The following TAB2 variants were observed in gnomAD, a reference collection of about 807,000 sequenced individuals.
TAB2 encodes TGF-beta activated kinase 1 (MAP3K7) binding protein 2, also known as TGF-beta-activated kinase 1 and MAP3K7-binding protein 2.
TAB2 carries 3 observed loss-of-function variants against 65.0 expected under a neutral mutation model. The ratio of observed to expected loss-of-function variants is 0.05; its 90% confidence interval spans 0.02 to 0.12. The LOEUF (loss-of-function observed/expected upper bound fraction) is 0.12, where lower values mean the gene tolerates loss of function less well. Among genes scored for constraint, TAB2 ranks in the 10% least tolerant of loss-of-function variants. The pLI, the probability that TAB2 is intolerant of heterozygous loss-of-function variation, is 1.00. For missense variants in TAB2, 623 were observed against 840.3 expected (o/e 0.74, Z 3.20); for synonymous variants, 298 against 285.1 (o/e 1.05, Z -0.46).
intron 1 of TAB2, among the ~76,000 whole-genome samples, chr6:149,254,599 T>A (rs1777967370): frequency 6.6e-6 from 1 of 152,208 alleles, no homozygotes; most frequent in Non-Finnish European, 1.5e-5. Context: ...TTCACATGGC[T>A]TTCTGCCTGC....
intron 1 of TAB2, among the ~76,000 whole-genome samples, chr6:149,249,135 TACACACACACACACACATAC>T (rs1562387420): frequency 1.1e-4 from 15 of 135,786 alleles, no homozygotes; most frequent in African/African-American, 4.2e-4. Context: ...CACACACACA[TACACACACACACACACATAC>T]ACACACACAC....
At chr6:149,252,763 A>G (rs548014243) in intron 1 of TAB2, among the ~76,000 whole-genome samples, 2 of 152,340 alleles carry the variant, frequency 1.3e-5, no homozygotes, top group South Asian at 2.1e-4. Flanking sequence ...CTCACCAGAC[A>G]GAATATATTT....
intron 1 of TAB2, among the ~76,000 whole-genome samples, chr6:149,325,963 A>G (rs1779604298): frequency 6.6e-6 from 1 of 152,112 alleles, no homozygotes; most frequent in African/African-American, 2.4e-5. Flanking sequence ...GGTCTTGAGC[A>G]GCTAGGTTCA....
upstream of TAB2, among the ~76,000 whole-genome samples, chr6:149,313,618 C>A (rs1158788662): frequency 6.6e-6 from 1 of 152,248 alleles, no homozygotes; most frequent in Non-Finnish European, 1.5e-5. Flanking sequence ...TTTAGCATCT[C>A]AAACTGAGGA....
intron 2 of TAB2, among the ~76,000 whole-genome samples, chr6:149,377,087 T>G (rs1446092902): frequency 2.0e-4 from 29 of 144,536 alleles, no homozygotes; most frequent in African/African-American, 7.0e-4. Context: ...TTTTTTTTTT[T>G]GAGACAGAGT....
intron 1 of TAB2, among the ~76,000 whole-genome samples, chr6:149,270,705 A>G (rs1227078145): frequency 1.3e-5 from 2 of 152,202 alleles, no homozygotes; most frequent in East Asian, 3.8e-4. Flanking sequence ...GACCTTGCAC[A>G]TTTTCATCAC....
intron 2 of TAB2, among the ~76,000 whole-genome samples, chr6:149,371,130 A>G (rs1457396164): frequency 6.7e-6 from 1 of 149,858 alleles, no homozygotes; most frequent in Non-Finnish European, 1.5e-5. Context: ...TCTTGAAGTG[A>G]TTTTTAAAGT....
chr6:149,345,367 C>T (rs920129143), intron 1 of TAB2, among the ~76,000 whole-genome samples: 5 of 152,134 alleles, frequency 3.3e-5, no homozygotes, highest in Admixed American at 3.3e-4. Flanking sequence ...CAGCTGTAAA[C>T]TGCACATCCA....
chr6:149,372,893 G>T (rs1282453032), intron 2 of TAB2, among the ~76,000 whole-genome samples: 2 of 152,152 alleles, frequency 1.3e-5, no homozygotes, highest in Admixed American at 6.5e-5. Context: ...TCCTTTCTCA[G>T]TTGGGTGGGT....
chr6:149,241,220 A>C (rs1305797153), intron 1 of TAB2, among the ~76,000 whole-genome samples: 2 of 152,178 alleles, frequency 1.3e-5, no homozygotes, highest in Non-Finnish European at 2.9e-5. Context: ...TAAGACACCC[A>C]GTCTATGGTA....
At chr6:149,407,508 A>C (rs546702196) in intron 6 of TAB2, among the ~76,000 whole-genome samples, 5 of 152,324 alleles carry the variant, frequency 3.3e-5, no homozygotes, top group African/African-American at 1.2e-4. Context: ...AGGTCCAATA[A>C]AAACATCCAT....
chr6:149,249,298 A>G (rs1482364692), intron 1 of TAB2, among the ~76,000 whole-genome samples: 6 of 152,122 alleles, frequency 3.9e-5, no homozygotes, highest in African/African-American at 1.4e-4. Flanking sequence ...CAACAGTTCA[A>G]CTTCACCTCC....
chr6:149,373,128 G>A (rs1011705418), intron 2 of TAB2, among the ~76,000 whole-genome samples: 2 of 152,104 alleles, frequency 1.3e-5, no homozygotes, highest in African/African-American at 4.8e-5. Flanking sequence ...TGTGAATTCT[G>A]TAAGATAACT....
At chr6:149,233,561 A>C (rs1777444286) in intron 1 of TAB2, among the ~76,000 whole-genome samples, 1 of 152,188 alleles carries the variant, frequency 6.6e-6, no homozygotes, top group Non-Finnish European at 1.5e-5. Flanking sequence ...ACCAACATGT[A>C]ACTGCCCCCT....
chr6:149,224,919 C>T (rs949444326), intron 1 of TAB2, among the ~76,000 whole-genome samples: 1 of 152,152 alleles, frequency 6.6e-6, no homozygotes, highest in Non-Finnish European at 1.5e-5. Flanking sequence ...GCATATGCTG[C>T]TTTTTAGCCA....
intron 2 of TAB2, among the ~76,000 whole-genome samples, chr6:149,376,100 C>T (rs1175119529): frequency 2.6e-5 from 4 of 152,104 alleles, no homozygotes; most frequent in Non-Finnish European, 5.9e-5. Flanking sequence ...ATCTTCCAGG[C>T]TTATTTGAAT....
At chr6:149,227,919 T>A (rs1304850619) in intron 1 of TAB2, among the ~76,000 whole-genome samples, 3 of 152,156 alleles carry the variant, frequency 2.0e-5, no homozygotes, top group Non-Finnish European at 4.4e-5. Context: ...TTTTAAAAAA[T>A]CTGCTAACAT....
intron 1 of TAB2, among the ~76,000 whole-genome samples, chr6:149,268,130 G>A (rs1778296934): frequency 6.6e-6 from 1 of 152,094 alleles, no homozygotes; most frequent in Non-Finnish European, 1.5e-5. Flanking sequence ...AACCATGAAG[G>A]CACTTGCTCA....
chr6:149,241,920 C>T (rs983105946), intron 1 of TAB2, among the ~76,000 whole-genome samples: 1 of 152,164 alleles, frequency 6.6e-6, no homozygotes, highest in Non-Finnish European at 1.5e-5. Context: ...TCTCTGCTGC[C>T]CCGTAAGGCT....
Sources: gnomAD v4.1 joint callset for allele counts (sites outside exome capture counted in the v4.1 genomes callset) on GRCh38, gnomAD v4.1.1 for gene constraint, MANE v1.5 for transcripts, NCBI Gene and HGNC (gene_info 2026-07-23, HGNC 2026-07-21) for gene names.